The following THSD4 variants were observed in gnomAD, a reference collection of about 807,000 sequenced individuals.
THSD4 encodes thrombospondin type-1 domain-containing protein 4.
A neutral mutation model predicts 119.0 loss-of-function variants in THSD4; 69 were observed. The observed-to-expected ratio is 0.58, with a 90% CI of 0.48 to 0.71. The LOEUF (loss-of-function observed/expected upper bound fraction) is 0.71, where lower values mean the gene tolerates loss of function less well. Among genes scored for constraint, THSD4 ranks in the 30% least tolerant of loss-of-function variants. THSD4 has a pLI of 0.00. For missense variants in THSD4, 1,393 were observed against 1,391.1 expected (o/e 1.00, Z -0.02); for synonymous variants, 524 against 540.4 (o/e 0.97, Z 0.42).
chr15:71,453,429 T>C (rs777763638), intron 7 of THSD4, among the ~76,000 whole-genome samples: 60 of 152,216 alleles, frequency 3.9e-4, no homozygotes, highest in Non-Finnish European at 7.3e-4. Context: ...TGTCCTTGGA[T>C]GCCTCACTGT....
At chr15:71,395,914 G>GAGACAC (rs535919434) in intron 6 of THSD4, among the ~76,000 whole-genome samples, 3,563 of 133,238 alleles carry the variant, frequency 0.027, 63 homozygotes, top group South Asian at 0.063. Context: ...TTTGAAGAGA[G>GAGACAC]ACACACACAC....
upstream of THSD4, among the ~76,000 whole-genome samples, chr15:71,113,376 C>G (rs142118573): frequency 1.6e-3 from 237 of 152,154 alleles, no homozygotes; most frequent in African/African-American, 5.5e-3. Context: ...TTGGTTATGT[C>G]GGATGTTAAC....
At chr15:71,199,352 A>G (rs986860066) in intron 3 of THSD4, among the ~76,000 whole-genome samples, 1 of 152,068 alleles carries the variant, frequency 6.6e-6, no homozygotes, top group Non-Finnish European at 1.5e-5. Context: ...CTTTGCAGAG[A>G]AGGCTGAGAG....
intron 8 of THSD4, among the ~76,000 whole-genome samples, chr15:71,665,249 T>C (rs2141004019): frequency 6.6e-6 from 1 of 152,366 alleles, no homozygotes; most frequent in East Asian, 1.9e-4. Context: ...TGATTAGTGA[T>C]ATTGAGCTTT....
chr15:71,451,913 C>T (rs968175710), intron 7 of THSD4, among the ~76,000 whole-genome samples: 1 of 152,190 alleles, frequency 6.6e-6, no homozygotes, highest in African/African-American at 2.4e-5. Context: ...TGCCTGGTCT[C>T]TGGGACCTAT....
At chr15:71,722,720 G>A (rs2052745678) in intron 8 of THSD4, among the ~76,000 whole-genome samples, 1 of 152,266 alleles carries the variant, frequency 6.6e-6, no homozygotes, top group East Asian at 1.9e-4. Context: ...AAATTGTAAA[G>A]GGCAGTAAAG....
chr15:71,245,379 C>T (rs1486093197), intron 5 of THSD4, among the ~76,000 whole-genome samples: 3 of 152,166 alleles, frequency 2.0e-5, no homozygotes, highest in Non-Finnish European at 4.4e-5. Context: ...GCCACACCCC[C>T]ATGATCTCTT....
chr15:71,498,314 G>T (rs1329978839), intron 7 of THSD4, among the ~76,000 whole-genome samples: 1 of 152,086 alleles, frequency 6.6e-6, no homozygotes, highest in African/African-American at 2.4e-5. Flanking sequence ...ACATTTTAGG[G>T]TCCATTGCAA....
chr15:71,443,267 A>AT, intron 7 of THSD4, among the ~76,000 whole-genome samples: 1 of 152,054 alleles, frequency 6.6e-6, no homozygotes, highest in Non-Finnish European at 1.5e-5. Context: ...TTTTAGGGAG[A>AT]TTGGCCTAGG....
At chr15:71,116,878 AG>A (rs1200644980) in intron 1 of THSD4, among the ~76,000 whole-genome samples, 3 of 152,114 alleles carry the variant, frequency 2.0e-5, no homozygotes, top group Non-Finnish European at 2.9e-5. Context: ...CAATATACAA[AG>A]AAGCAAACAT....
chr15:71,220,837 C>T (rs2043969823), intron 4 of THSD4, among the ~76,000 whole-genome samples: 1 of 152,164 alleles, frequency 6.6e-6, no homozygotes, highest in African/African-American at 2.4e-5. Flanking sequence ...TGTCTGTGCT[C>T]CCTGCTCTCT....
chr15:71,547,284 C>T (rs762522533), intron 7 of THSD4: 58 of 1,482,012 alleles, frequency 3.9e-5, no homozygotes, highest in East Asian at 2.3e-4. Flanking sequence ...GAGGGAGAGC[C>T]GAGGGAACCA....
intron 8 of THSD4, among the ~76,000 whole-genome samples, chr15:71,716,768 C>T (rs774707114): frequency 6.6e-6 from 1 of 152,250 alleles, no homozygotes; most frequent in Non-Finnish European, 1.5e-5. Flanking sequence ...AAGCAGGTCT[C>T]ACTTCTTGGG....
intron 10 of THSD4, among the ~76,000 whole-genome samples, chr15:71,736,301 C>G (rs952663933): frequency 6.6e-6 from 1 of 151,774 alleles, no homozygotes; most frequent in South Asian, 2.1e-4. Context: ...CTCTGTCTCT[C>G]CTGCTCTCTG....
chr15:71,671,863 A>C (rs2051537611), intron 8 of THSD4, among the ~76,000 whole-genome samples: 1 of 152,188 alleles, frequency 6.6e-6, no homozygotes, highest in African/African-American at 2.4e-5. Flanking sequence ...TGGTACCAGT[A>C]CCATGCTTGT....
chr15:71,617,098 A>G (rs2050330948), intron 7 of THSD4, among the ~76,000 whole-genome samples: 1 of 152,206 alleles, frequency 6.6e-6, no homozygotes, highest in African/African-American at 2.4e-5. Context: ...GCATCATGTG[A>G]TATCATGGCA....
intron 7 of THSD4, among the ~76,000 whole-genome samples, chr15:71,419,610 A>T (rs764010429): frequency 1.8e-5 from 2 of 108,360 alleles, no homozygotes; most frequent in Admixed American, 1.2e-4. Context: ...GTAGGTGCTT[A>T]TAAGTATAAA....
intron 8 of THSD4, among the ~76,000 whole-genome samples, chr15:71,722,016 G>A (rs1284139677): frequency 6.6e-6 from 1 of 151,908 alleles, no homozygotes; most frequent in Non-Finnish European, 1.5e-5. Flanking sequence ...TCAAATGAGA[G>A]TGAAGGTATC....
intron 7 of THSD4, among the ~76,000 whole-genome samples, chr15:71,654,692 G>A (rs2051155238): frequency 6.6e-6 from 1 of 152,110 alleles, no homozygotes; most frequent in Non-Finnish European, 1.5e-5. Flanking sequence ...GCATTTCCAC[G>A]AATTAGCTCA....
Sources: gnomAD v4.1 joint callset for allele counts (sites outside exome capture counted in the v4.1 genomes callset) on GRCh38, gnomAD v4.1.1 for gene constraint, MANE v1.5 for transcripts, NCBI Gene and HGNC (gene_info 2026-07-23, HGNC 2026-07-21) for gene names.